CDK8: variants seen among roughly 807,000 people sequenced by gnomAD.
CDK8 encodes the protein cyclin-dependent kinase 8.
CDK8 carries 29 observed loss-of-function variants against 71.5 expected under a neutral mutation model. The observed-to-expected ratio is 0.41, with a 90% confidence interval of 0.30 to 0.55. CDK8 has a LOEUF of 0.55. Among genes scored for constraint, CDK8 ranks in the 20% least tolerant of loss-of-function variants. The pLI, the probability that CDK8 is intolerant of heterozygous loss-of-function variation, is 0.37. For synonymous variants in CDK8, 161 were observed against 192.1 expected, an observed-to-expected ratio of 0.84 and a Z score of 1.34; for missense variants, 288 against 572.6, an observed-to-expected ratio of 0.50 and a Z score of 5.07.
chr13:26,348,360 C>T, intron 2 of CDK8, among the ~76,000 whole-genome samples: 1 of 152,088 alleles, frequency 6.6e-6, no homozygotes, highest in East Asian at 1.9e-4. Flanking sequence ...GGAGGTGAGC[C>T]ACAGGCAAGC....
At chr13:26,341,138 C>CT (rs1186260412) in intron 2 of CDK8, among the ~76,000 whole-genome samples, 1 of 152,026 alleles carries the variant, frequency 6.6e-6, no homozygotes, top group Non-Finnish European at 1.5e-5. Context: ...CAGTTTTTTT[C>CT]TTTTTTGTGA....
intron 1 of CDK8, among the ~76,000 whole-genome samples, chr13:26,262,461 G>T (rs765968483): frequency 1.3e-5 from 2 of 152,146 alleles, no homozygotes; most frequent in Non-Finnish European, 2.9e-5. Flanking sequence ...TTAAAAGCTT[G>T]AGGCATATTA....
chr13:26,397,111 C>A, intron 8 of CDK8, 42 bp from the exon 9 acceptor site: 1 of 1,136,088 alleles, frequency 8.8e-7, no homozygotes, highest in Non-Finnish European at 1.3e-6. Context: ...GTACAATTAA[C>A]CTCAAGTCTA....
chr13:26,306,295 C>G (rs192589228), intron 1 of CDK8, among the ~76,000 whole-genome samples: 197 of 152,154 alleles, frequency 1.3e-3, no homozygotes, highest in African/African-American at 3.8e-3. Flanking sequence ...TCTGCTGAGC[C>G]CTACAAGACT....
chr13:26,283,036 T>C (rs559841797), intron 1 of CDK8, among the ~76,000 whole-genome samples: 3 of 152,310 alleles, frequency 2.0e-5, no homozygotes, highest in South Asian at 2.1e-4. Context: ...GGACCTAACA[T>C]TGGAGTTCCA....
At chr13:26,339,926 C>T (rs1300506333) in intron 2 of CDK8, among the ~76,000 whole-genome samples, 1 of 151,130 alleles carries the variant, frequency 6.6e-6, no homozygotes, top group Admixed American at 6.6e-5. Context: ...CTTTACCGAG[C>T]TGGTTAGGCC....
chr13:26,339,659 T>G (rs957099631), intron 2 of CDK8, among the ~76,000 whole-genome samples: 1 of 149,184 alleles, frequency 6.7e-6, no homozygotes, highest in Non-Finnish European at 1.5e-5. Flanking sequence ...ATAATAGTAT[T>G]GAGACTTTCA....
intron 1 of CDK8, among the ~76,000 whole-genome samples, chr13:26,305,471 CTG>C (rs1874004852): frequency 6.6e-6 from 1 of 152,168 alleles, no homozygotes; most frequent in East Asian, 1.9e-4. Context: ...GCTTCTGAAT[CTG>C]TAATTCGACG....
chr13:26,316,897 C>T (rs1874537190), intron 1 of CDK8, among the ~76,000 whole-genome samples: 1 of 152,000 alleles, frequency 6.6e-6, no homozygotes, highest in East Asian at 1.9e-4. Context: ...TTTTAAACAA[C>T]AGCTATCTTA....
At chr13:26,337,666 CG>C in intron 2 of CDK8, 24 bp downstream of exon 2, 1 of 1,190,384 alleles carries the variant, frequency 8.4e-7, no homozygotes. Flanking sequence ...TTTTTATCAT[CG>C]TTATTATCAA....
At chr13:26,258,828 ATGCTTT>A (rs1871644251) in intron 1 of CDK8, among the ~76,000 whole-genome samples, 1 of 152,126 alleles carries the variant, frequency 6.6e-6, no homozygotes, top group East Asian at 1.9e-4. Flanking sequence ...TTTTAGTCTC[ATGCTTT>A]AACGTTGGTT....
At chr13:26,326,873 A>G (rs1032364694) in intron 1 of CDK8, among the ~76,000 whole-genome samples, 1 of 152,220 alleles carries the variant, frequency 6.6e-6, no homozygotes, top group Admixed American at 6.5e-5. Context: ...GCAGCCCTGG[A>G]AAGTTATTAT....
At position 26,254,854 on chromosome 13, in the gene CDK8, C is replaced by T. The variant is rs1871447345; in HGVS notation, c.128+85C>T. Reference sequence around the variant, plus strand: ...GGTAGCCCGGAGGGAGAGCGGGCCGCCGGGGTGCCGGGCTCTGACTTCCTC... The same window carrying T: ...GGTAGCCCGGAGGGAGAGCGGGCCGTCGGGGTGCCGGGCTCTGACTTCCTC... On this transcript the variant is annotated intron_variant, in intron 1 of 12. Coordinates refer to ENST00000381527, the MANE Select transcript of CDK8 (RefSeq NM_001260.3). This position sits in a 1 kb window ranked among gnomAD's most constrained non-coding sequence, Gnocchi z 6.7. 2 of 1,534,826 alleles carry T rather than the reference C, an allele frequency of 1.3e-6. No homozygotes were observed. Among genetic ancestry groups the T allele is most frequent in the Non-Finnish European group, 8.8e-7 (1 of 1,135,482 alleles).
At chr13:26,358,782 G>A (rs1382422085) in intron 4 of CDK8, among the ~76,000 whole-genome samples, 1 of 152,132 alleles carries the variant, frequency 6.6e-6, no homozygotes, top group African/African-American at 2.4e-5. Flanking sequence ...ACAAAATGGG[G>A]TATGTACATA....
intron 1 of CDK8, among the ~76,000 whole-genome samples, chr13:26,334,702 T>C (rs889177297): frequency 6.6e-6 from 1 of 152,236 alleles, no homozygotes; most frequent in South Asian, 2.1e-4. Flanking sequence ...TTAGTAATAA[T>C]TTAAAATAAT....
chr13:26,349,353 A>T (rs1873593546), intron 3 of CDK8, among the ~76,000 whole-genome samples, 171 bp downstream of exon 3: 1 of 152,242 alleles, frequency 6.6e-6, no homozygotes. Context: ...TTGTATTATT[A>T]CTTTTCAATA....
chr13:26,346,369 C>A (rs1229877925), intron 2 of CDK8, among the ~76,000 whole-genome samples: 1 of 152,124 alleles, frequency 6.6e-6, no homozygotes, highest in Non-Finnish European at 1.5e-5. Context: ...TCAGGAGACA[C>A]TAAGAATAAC....
intron 1 of CDK8, among the ~76,000 whole-genome samples, chr13:26,335,197 ATG>A (rs1309517197): frequency 1.3e-5 from 2 of 152,054 alleles, no homozygotes; most frequent in African/African-American, 4.8e-5. Flanking sequence ...TAGTTTACGT[ATG>A]TCTCATTCAC....
At position 26,260,580 on chromosome 13, in the gene CDK8, T is replaced by C. The variant is rs922621702; in HGVS notation, c.128+5811T>C. On this transcript the variant is annotated intron_variant, in intron 1 of 12. Transcript: ENST00000381527. ...TGGAAGGGGAAAGAAGTTCTTTTGC[T>C]ACTTAGAGTTTAGGAAGTAATGGAA... is the stretch of plus-strand genomic sequence containing the variant. Among the ~76,000 whole-genome samples the C allele has an allele frequency of 3.3e-5, 5 of 152,292 alleles. No homozygotes were observed. The South Asian group carries it at 1.0e-3, about 32-fold the overall frequency.
Sources: allele counts gnomAD v4.1 joint callset (sites outside exome capture counted in the v4.1 genomes callset), GRCh38; gene constraint gnomAD v4.1.1; non-coding constraint Gnocchi (gnomAD v3.1); transcripts MANE v1.5; gene names NCBI Gene and HGNC (gene_info 2026-07-23, HGNC 2026-07-21).